ZNF704: variants seen among roughly 807,000 people sequenced by gnomAD.
The protein encoded by ZNF704 is glucocorticoid induced gene 1.
ZNF704 carries 10 observed loss-of-function variants against 44.7 expected under a neutral mutation model. The ratio of observed to expected loss-of-function variants is 0.22; its 90% CI spans 0.14 to 0.38. The LOEUF (loss-of-function observed/expected upper bound fraction) is 0.38, where lower values mean the gene tolerates loss of function less well. ZNF704 is among the 10% of genes least tolerant of loss of function. The pLI is 1.00. For synonymous variants in ZNF704, 211 were observed against 207.6 expected (o/e 1.02, Z -0.14); for missense variants, 390 against 545.5 (o/e 0.71, Z 2.84).
chr8:80,714,130 C>T (rs1033004925), intron 2 of ZNF704, among the ~76,000 whole-genome samples: 5 of 152,156 alleles, frequency 3.3e-5, no homozygotes, highest in Non-Finnish European at 7.3e-5. Context: ...AGAGCCAAAT[C>T]AGAGTAACAG....
chr8:80,867,639 T>A lies in ZNF704; in HGVS notation c.-22+6932A>T, dbSNP rs144716294. 3.3e-5 allele frequency among the ~76,000 whole-genome samples: 5 copies of A among 152,334 alleles called. No individual in the cohort carries two copies. The East Asian group carries it at 9.7e-4, about 29-fold the overall frequency. ...ACAACTTTGTCTGGTATCTTAAGCA[T>A]ATGCCTTTTGCTCGAGCCAACACAG... On this transcript the variant is annotated intron_variant, in intron 1 of 8. Coordinates refer to ENST00000327835, the MANE Select transcript of ZNF704 (RefSeq NM_001033723.3).
intron 2 of ZNF704, among the ~76,000 whole-genome samples, chr8:80,794,132 G>C (rs559157961): frequency 1.0e-3 from 157 of 152,244 alleles, no homozygotes; most frequent in Admixed American, 2.5e-3. Context: ...AAAAAAGAGA[G>C]AGCCTAGGCA....
rs539529030 is a variant in ZNF704, at chr8:80,637,540, C to T, written c.*3826G>A. ...CACCAGAAACAGCAGACTTAAAACT[C>T]GAGTGCTCTTGAGATTTAATGGAGG... On this transcript the variant is annotated 3_prime_UTR_variant, in exon 9 of 9. Coordinates refer to ENST00000327835, the MANE Select transcript of ZNF704 (RefSeq NM_001033723.3). 6.6e-6 allele frequency: 1 copy of T among 152,170 alleles called. No individual in the cohort carries two copies. The highest frequency in any genetic ancestry group is 1.5e-5 in the Non-Finnish European group (1 of 68,036). The allele number at this position is 152,170 out of a possible 1,614,324, so 9.4% of individuals were successfully genotyped here. A position where few individuals can be genotyped will look rare whatever the true frequency, so the allele number is the denominator to read the frequency against.
chr8:80,825,061 T>A (rs906236408), intron 1 of ZNF704, among the ~76,000 whole-genome samples: 56 of 152,128 alleles, frequency 3.7e-4, no homozygotes, highest in Non-Finnish European at 6.8e-4. Context: ...CAGGATCAAA[T>A]TCACACATAA....
intron 1 of ZNF704, among the ~76,000 whole-genome samples, chr8:80,855,581 A>G (rs1808946251): frequency 6.6e-6 from 1 of 152,182 alleles, no homozygotes; most frequent in Non-Finnish European, 1.5e-5. Flanking sequence ...GTACACATGG[A>G]CGTAGAGTAT....
At chr8:80,864,436 T>G (rs1049213133) in intron 1 of ZNF704, among the ~76,000 whole-genome samples, 1 of 152,226 alleles carries the variant, frequency 6.6e-6, no homozygotes, top group African/African-American at 2.4e-5. Flanking sequence ...AAAATGGCCC[T>G]TGGCATATAT....
chr8:80,881,317 C>T, the ZNF704 span, among the ~76,000 whole-genome samples: 1 of 152,286 alleles, frequency 6.6e-6, no homozygotes, highest in Admixed American at 6.5e-5. Context: ...GATGTACAAA[C>T]CACTATGCAG....
Position 80,632,182 on chromosome 8 carries a change from T to TTTCC in ZNF704, c.*9180_*9183dup, listed in dbSNP as rs1380485265. Reference sequence around the variant, plus strand: ...TTTGTTTTTTTCTGTTTAAAGGAAATTTCCTTCCTTAATGGTAGTCTCACC... The same window carrying TTTCC: ...TTTGTTTTTTTCTGTTTAAAGGAAATTTCCTTCCTTCCTTAATGGTAGTCTCACC... On this transcript the variant is annotated 3_prime_UTR_variant, in exon 9 of 9. Coordinates refer to ENST00000327835, the MANE Select transcript of ZNF704 (RefSeq NM_001033723.3). The TTTCC allele has an allele frequency of 6.6e-6, 1 of 152,080 alleles. No homozygotes were observed. Among genetic ancestry groups the TTTCC allele is most frequent in the Non-Finnish European group, 1.5e-5 (1 of 68,022 alleles). 9.4% of individuals were successfully genotyped at this position (152,080 alleles called of 1,614,324 possible). A position where few individuals can be genotyped will look rare whatever the true frequency, so the allele number is the denominator to read the frequency against.
chr8:80,775,383 G>A (rs192312199), intron 2 of ZNF704, among the ~76,000 whole-genome samples: 2 of 152,260 alleles, frequency 1.3e-5, no homozygotes, highest in African/African-American at 2.4e-5. Flanking sequence ...GATAAAGCAT[G>A]GATGCTAATG....
intron 2 of ZNF704, among the ~76,000 whole-genome samples, chr8:80,762,107 C>CA (rs993885271): frequency 2.6e-5 from 4 of 151,038 alleles, no homozygotes; most frequent in East Asian, 1.9e-4. Context: ...TCAAATTGGC[C>CA]AAAAAAAAGC....
intron 2 of ZNF704, among the ~76,000 whole-genome samples, chr8:80,708,913 T>C (rs924125851): frequency 2.6e-5 from 4 of 152,036 alleles, no homozygotes; most frequent in Non-Finnish European, 5.9e-5. Flanking sequence ...AGTGAACCCA[T>C]GAGCTTATGA....
At chr8:80,655,922 G>T (rs939483206) in intron 7 of ZNF704, among the ~76,000 whole-genome samples, 1 of 152,170 alleles carries the variant, frequency 6.6e-6, no homozygotes, top group African/African-American at 2.4e-5. Context: ...AACTTGGATA[G>T]CAGGTTGACT....
At chr8:80,776,593 T>C (rs1807414095) in intron 2 of ZNF704, 2 of 152,210 alleles carry the variant, frequency 1.3e-5, no homozygotes, top group Non-Finnish European at 2.9e-5. Context: ...CTTTAAAAAT[T>C]TGTTAATGTA....
At chr8:80,789,710 C>G (rs934787141) in intron 2 of ZNF704, among the ~76,000 whole-genome samples, 2 of 152,214 alleles carry the variant, frequency 1.3e-5, no homozygotes, top group Middle Eastern at 6.8e-3. Flanking sequence ...CCACTGTACT[C>G]CAGCCTGGGT....
At chr8:80,867,526 AGTGCCCTC>A (rs1217905514) in intron 1 of ZNF704, among the ~76,000 whole-genome samples, 1 of 152,114 alleles carries the variant, frequency 6.6e-6, no homozygotes, top group Admixed American at 6.5e-5. Context: ...CTGCATAGTC[AGTGCCCTC>A]GGTGGTCAAA....
intron 2 of ZNF704, among the ~76,000 whole-genome samples, chr8:80,735,078 C>T (rs988992600): frequency 1.3e-5 from 2 of 152,228 alleles, no homozygotes; most frequent in Admixed American, 1.3e-4. Context: ...AAGGCTTCAG[C>T]ATCATCTGAA....
intron 2 of ZNF704, among the ~76,000 whole-genome samples, chr8:80,740,116 A>G (rs1482725379): frequency 6.6e-6 from 1 of 152,200 alleles, no homozygotes; most frequent in African/African-American, 2.4e-5. Context: ...GTCCTAGGAC[A>G]GGCAGTCACT....
At chr8:80,666,864 A>G (rs1253963805) in intron 5 of ZNF704, among the ~76,000 whole-genome samples, 1 of 151,424 alleles carries the variant, frequency 6.6e-6, no homozygotes, top group African/African-American at 2.4e-5. Flanking sequence ...TCTGGATATT[A>G]GCCCTTTGTC....
At position 80,628,557 on chromosome 8, in the gene ZNF704, G is replaced by C. The variant is rs1817538607; in HGVS notation, c.*12809C>G. 1 of 152,238 alleles carries C rather than the reference G, an allele frequency of 6.6e-6. No individual in the cohort carries two copies. Among genetic ancestry groups the C allele is most frequent in the South Asian group, 2.1e-4 (1 of 4,828 alleles). The allele number at this position is 152,238 out of a possible 1,614,324, so 9.4% of individuals were successfully genotyped here. ...ATTCATGTGTGTGGACACTGTAGAAGTCAAAATGGTCTTTTGAAAGTCCAG... is the reference window on the plus strand; with the variant it reads ...ATTCATGTGTGTGGACACTGTAGAACTCAAAATGGTCTTTTGAAAGTCCAG... On this transcript the variant is annotated 3_prime_UTR_variant, in exon 9 of 9. Transcript: ENST00000327835.
Sources: gnomAD v4.1 joint callset for allele counts (sites outside exome capture counted in the v4.1 genomes callset) on GRCh38, gnomAD v4.1.1 for gene constraint, MANE v1.5 for transcripts, NCBI Gene and HGNC (gene_info 2026-07-23, HGNC 2026-07-21) for gene names.